POLA1: variants seen among roughly 807,000 people sequenced by gnomAD.
POLA1 encodes the protein DNA polymerase alpha 1, catalytic subunit.
POLA1 carries 15 observed loss-of-function variants against 124.0 expected under a neutral mutation model. The ratio of observed to expected loss-of-function variants is 0.12; its 90% CI spans 0.08 to 0.19. The LOEUF is 0.19. Ranked by LOEUF, POLA1 falls within the 10% of genes least tolerant of loss-of-function variation. POLA1 has a pLI of 1.00. For synonymous variants in POLA1, 408 were observed against 389.4 expected (o/e 1.05, Z -0.56); for missense variants, 886 against 1,103.4 (o/e 0.80, Z 2.79).
At chrX:24,766,316 A>T (rs1932902343) in intron 26 of POLA1, among the ~76,000 whole-genome samples, 1 of 111,916 alleles carries the variant, frequency 8.9e-6, no homozygotes, top group East Asian at 2.8e-4. Context: ...TGTGAGCTCC[A>T]TTGGGGTAGG....
intron 36 of POLA1, among the ~76,000 whole-genome samples, chrX:24,989,825 G>C (rs764033500): frequency 1.8e-5 from 2 of 111,445 alleles, no homozygotes; most frequent in Admixed American, 1.9e-4. Flanking sequence ...TGGTACAGTT[G>C]ATCCTTAATA....
At chrX:24,797,005 C>G (rs776514942) in intron 26 of POLA1, among the ~76,000 whole-genome samples, 1 of 112,068 alleles carries the variant, frequency 8.9e-6, no homozygotes, top group Non-Finnish European at 1.9e-5. Flanking sequence ...GTAGATTGCA[C>G]TTGCTAAATG....
chrX:24,776,612 G>C (rs1186078987), intron 26 of POLA1, among the ~76,000 whole-genome samples: 1 of 112,036 alleles, frequency 8.9e-6, no homozygotes, highest in East Asian at 2.8e-4. Flanking sequence ...AACTTCCCTA[G>C]AATGATTGTC....
At chrX:24,701,290 A>G (rs986342759) in intron 2 of POLA1, among the ~76,000 whole-genome samples, 3 of 111,317 alleles carry the variant, frequency 2.7e-5, no homozygotes, top group African/African-American at 9.8e-5. Flanking sequence ...AAATCCCGTA[A>G]TTATTATAAG....
At chrX:24,786,682 T>TG (rs1491249842) in intron 26 of POLA1, among the ~76,000 whole-genome samples, 153 of 61,950 alleles carry the variant, frequency 2.5e-3, no homozygotes, top group African/African-American at 0.011. Flanking sequence ...GCTTGGCTAA[T>TG]TTTTTTTTTT....
chrX:24,897,274 G>A (rs1463034637), intron 35 of POLA1, among the ~76,000 whole-genome samples: 6 of 111,012 alleles, frequency 5.4e-5, no homozygotes, highest in Non-Finnish European at 1.1e-4. Context: ...AGTGGACTTT[G>A]GGAGGAAAAC....
At chrX:24,703,691 A>T (rs1928611475) in intron 3 of POLA1, among the ~76,000 whole-genome samples, 1 of 112,164 alleles carries the variant, frequency 8.9e-6, no homozygotes, top group African/African-American at 3.2e-5. Flanking sequence ...GGGATCCATC[A>T]TTCCTACTTT....
intron 26 of POLA1, among the ~76,000 whole-genome samples, chrX:24,775,579 A>C (rs2148444919): frequency 9.0e-6 from 1 of 111,586 alleles, no homozygotes; most frequent in South Asian, 3.8e-4. Context: ...ATATATTCTG[A>C]GCCAGAGTGT....
chrX:24,718,022 G>A (rs1929965604), intron 10 of POLA1, among the ~76,000 whole-genome samples: 1 of 111,535 alleles, frequency 9.0e-6, no homozygotes, highest in African/African-American at 3.3e-5. Context: ...GCTATGGTGC[G>A]AATAATCCTT....
At chrX:24,965,516 G>A (rs1344872093) in intron 36 of POLA1, among the ~76,000 whole-genome samples, 3 of 111,820 alleles carry the variant, frequency 2.7e-5, no homozygotes, top group Non-Finnish European at 5.6e-5. Context: ...GTGTTGCTAA[G>A]CACTAAATCC....
intron 15 of POLA1, among the ~76,000 whole-genome samples, chrX:24,731,264 G>T (rs1264746171): frequency 9.0e-6 from 1 of 111,711 alleles, no homozygotes; most frequent in African/African-American, 3.3e-5. Flanking sequence ...CATACTATGG[G>T]GCACTCTCTA....
intron 16 of POLA1, 86 bp from the exon 17 acceptor site, chrX:24,733,669 G>A (rs1168894283): frequency 4.1e-6 from 2 of 482,482 alleles, no homozygotes; most frequent in Non-Finnish European, 7.0e-6. Context: ...ATTTAAGACA[G>A]TTTCGTTTGG....
chrX:24,909,299 A>G (rs2047411326), intron 35 of POLA1, among the ~76,000 whole-genome samples: 1 of 111,974 alleles, frequency 8.9e-6, no homozygotes, highest in African/African-American at 3.2e-5. Context: ...TCTAGACATG[A>G]AGTCCTTTCC....
chrX:24,843,471 A>C (rs1349153151), intron 33 of POLA1, 75 bp from the exon 34 acceptor site: 1 of 691,006 alleles, frequency 1.4e-6, no homozygotes, highest in African/African-American at 2.2e-5. Context: ...CTAGGACAGC[A>C]TGTAAGTTTT....
At chrX:24,874,589 T>C (rs1311696630) in intron 34 of POLA1, among the ~76,000 whole-genome samples, 2 of 112,023 alleles carry the variant, frequency 1.8e-5, no homozygotes, top group Non-Finnish European at 3.8e-5. Flanking sequence ...CGGTAGTTCT[T>C]TTTGAACAAG....
intron 16 of POLA1, 110 bp from the exon 17 acceptor site, chrX:24,733,645 G>T (rs985863091): frequency 2.4e-6 from 1 of 408,494 alleles, no homozygotes; most frequent in Admixed American, 4.5e-5. Context: ...ATTCTTTAGG[G>T]TTGGGGGGAA....
intron 26 of POLA1, among the ~76,000 whole-genome samples, chrX:24,794,636 G>T (rs973965749): frequency 3.6e-5 from 4 of 112,199 alleles, no homozygotes; most frequent in Admixed American, 1.9e-4. Flanking sequence ...ATGTTTGTTA[G>T]TGGTAGTTTG....
At chrX:24,726,521 T>C (rs1930549169) in intron 13 of POLA1, among the ~76,000 whole-genome samples, 1 of 112,634 alleles carries the variant, frequency 8.9e-6, no homozygotes, top group Non-Finnish European at 1.9e-5. Context: ...TCCCACAACG[T>C]TGGAAAAGGA....
chrX:24,968,564 G>A (rs1321818889), intron 36 of POLA1, among the ~76,000 whole-genome samples: 3 of 109,920 alleles, frequency 2.7e-5, no homozygotes, highest in Admixed American at 9.7e-5. Context: ...CTGGGCGTGC[G>A]TGGTGGCGGG....
Sources: gnomAD v4.1 joint callset for allele counts (sites outside exome capture counted in the v4.1 genomes callset) on GRCh38, gnomAD v4.1.1 for gene constraint, MANE v1.5 for transcripts, NCBI Gene and HGNC (gene_info 2026-07-23, HGNC 2026-07-21) for gene names.